CCDC91: variants seen among roughly 807,000 people sequenced by gnomAD.
CCDC91 encodes the protein coiled-coil domain-containing protein 91.
In CCDC91, 48 loss-of-function variants were observed where a neutral mutation model predicts 63.2. The ratio of observed to expected loss-of-function variants is 0.76; its 90% CI spans 0.60 to 0.97. The LOEUF is 0.97. Ranked by LOEUF, CCDC91 falls within the 50% of genes least tolerant of loss-of-function variation. CCDC91 has a pLI of 0.00. For missense variants in CCDC91, 500 were observed against 494.6 expected (o/e 1.01, Z -0.10); for synonymous variants, 167 against 165.8 (o/e 1.01, Z -0.06).
At position 28,349,130 on chromosome 12, in the gene CCDC91, C is replaced by A. The variant is rs117707222; in HGVS notation, c.577-13308C>A. ...TCTTCTATTTTTATAGCATTTGGTT[C>A]TTGTTTTATGAGTGTCATATCTTCT... On this transcript the variant is annotated intron_variant, in intron 6 of 12. Coordinates refer to ENST00000536442, the MANE Select transcript of CCDC91 (RefSeq NM_018318.5). 1.1e-4 allele frequency among the ~76,000 whole-genome samples: 16 copies of A among 151,890 alleles called. No individual in the cohort carries two copies. The East Asian group carries it at 3.1e-3, about 29-fold the overall frequency.
At chr12:28,409,469 G>A (rs1046295844) in intron 8 of CCDC91, among the ~76,000 whole-genome samples, 1 of 151,948 alleles carries the variant, frequency 6.6e-6, no homozygotes, top group Non-Finnish European at 1.5e-5. Flanking sequence ...TAGTTTATTA[G>A]AGATTTATCA....
At chr12:28,483,902 A>C (rs1951577671) in intron 11 of CCDC91, 150 bp from the exon 12 acceptor site, 1 of 483,586 alleles carries the variant, frequency 2.1e-6, no homozygotes, top group African/African-American at 2.0e-5. Context: ...AGATCGCAAA[A>C]GATTCTGTAA....
At chr12:28,505,741 GAA>G (rs995448699) in intron 12 of CCDC91, among the ~76,000 whole-genome samples, 2 of 151,928 alleles carry the variant, frequency 1.3e-5, no homozygotes, top group Non-Finnish European at 2.9e-5. Flanking sequence ...TTCTGTATCT[GAA>G]AAGATTCTTA....
intron 6 of CCDC91, among the ~76,000 whole-genome samples, chr12:28,321,559 G>A (rs1193474202): frequency 2.0e-5 from 3 of 151,794 alleles, no homozygotes; most frequent in African/African-American, 7.2e-5. Context: ...TTTAGATGAA[G>A]TCATTAGGAT....
At chr12:28,441,475 A>G in intron 8 of CCDC91, among the ~76,000 whole-genome samples, 1 of 152,172 alleles carries the variant, frequency 6.6e-6, no homozygotes. Flanking sequence ...GGGTAAACAA[A>G]TTATGGTATA....
At chr12:28,331,130 T>A (rs1318656933) in intron 6 of CCDC91, among the ~76,000 whole-genome samples, 1 of 152,242 alleles carries the variant, frequency 6.6e-6, no homozygotes, top group South Asian at 2.1e-4. Context: ...TTAAAAAGAT[T>A]AGGAAATATT....
chr12:28,298,060 A>G (rs1241009003), intron 3 of CCDC91, among the ~76,000 whole-genome samples: 1 of 151,780 alleles, frequency 6.6e-6, no homozygotes, highest in Non-Finnish European at 1.5e-5. Flanking sequence ...GTTTAACTGA[A>G]AAAAATCTAG....
chr12:28,458,455 C>CTTTTTTTTTTTTTTTTTTT lies in CCDC91; in HGVS notation c.1101+5815_1101+5833dup, dbSNP rs60083355. 1.7e-4 allele frequency among the ~76,000 whole-genome samples: 8 copies of CTTTTTTTTTTTTTTTTTTT among 45,806 alleles called. 3 individuals carry two copies. Among genetic ancestry groups the CTTTTTTTTTTTTTTTTTTT allele is most frequent in the African/African-American group, 2.2e-4 (2 of 9,074 alleles). The allele number at this position is 45,806 out of a possible 152,430, so 30.1% of individuals were successfully genotyped here. A position where few individuals can be genotyped will look rare whatever the true frequency, so the allele number is the denominator to read the frequency against. On this transcript the variant is annotated intron_variant, in intron 11 of 12. Transcript: ENST00000536442. ...TTCCCTTTTGTCCTCATTTGCACACCTTTTTTTTTTTTTTTTTTTTTTTTT... is the reference window on the plus strand; with the variant it reads ...TTCCCTTTTGTCCTCATTTGCACACCTTTTTTTTTTTTTTTTTTTTTTTTTTTTTTTTTTTTTTTTTTTT...
At chr12:28,192,936 C>A (rs1252165231) in intron 1 of CCDC91, among the ~76,000 whole-genome samples, 2 of 152,194 alleles carry the variant, frequency 1.3e-5, no homozygotes, top group Non-Finnish European at 2.9e-5. Flanking sequence ...AACCACTGAT[C>A]TGTTCTCTGT....
At chr12:28,458,195 C>A (rs1045264559) in intron 11 of CCDC91, among the ~76,000 whole-genome samples, 6 of 152,034 alleles carry the variant, frequency 3.9e-5, no homozygotes, top group African/African-American at 7.2e-5. Flanking sequence ...TTGATTCATT[C>A]ATTCATTTTA....
chr12:28,321,722 C>T (rs2137437071), intron 6 of CCDC91, among the ~76,000 whole-genome samples: 1 of 151,940 alleles, frequency 6.6e-6, no homozygotes, highest in Admixed American at 6.6e-5. Context: ...ATGCTGGCAC[C>T]TTGATCTTGG....
intron 8 of CCDC91, among the ~76,000 whole-genome samples, chr12:28,432,892 C>G (rs1195355260): frequency 6.6e-6 from 1 of 152,076 alleles, no homozygotes; most frequent in Non-Finnish European, 1.5e-5. Context: ...TTGGTGATTT[C>G]AAATGCTGGA....
chr12:28,387,198 G>GCTTAATCTA (rs1239182755), intron 7 of CCDC91, among the ~76,000 whole-genome samples: 1 of 152,104 alleles, frequency 6.6e-6, no homozygotes, highest in Non-Finnish European at 1.5e-5. Context: ...TAATAGTAGG[G>GCTTAATCTA]ACAGTTTTGG....
intron 8 of CCDC91, among the ~76,000 whole-genome samples, chr12:28,411,024 T>C (rs1364841203): frequency 6.6e-6 from 1 of 152,166 alleles, no homozygotes; most frequent in Non-Finnish European, 1.5e-5. Context: ...GTCTTTGTTA[T>C]TTTTGTGGTT....
chr12:28,507,072 A>G (rs1331473758), intron 12 of CCDC91, among the ~76,000 whole-genome samples: 1 of 151,994 alleles, frequency 6.6e-6, no homozygotes, highest in African/African-American at 2.4e-5. Context: ...TGATTTGAAT[A>G]TCTTAGTGAA....
chr12:28,412,746 C>T, intron 8 of CCDC91: 1 of 453,704 alleles, frequency 2.2e-6, no homozygotes, highest in Non-Finnish European at 4.4e-6. Context: ...CCATTTCTGT[C>T]CTTTCAGAGT....
chr12:28,463,121 TTA>T (rs1297154326), intron 11 of CCDC91, among the ~76,000 whole-genome samples: 14 of 152,184 alleles, frequency 9.2e-5, no homozygotes, highest in African/African-American at 3.4e-4. Context: ...TTCAAAGATA[TTA>T]CAGTGAACTA....
At chr12:28,312,907 T>A (rs1034314330) in intron 6 of CCDC91, among the ~76,000 whole-genome samples, 4 of 152,046 alleles carry the variant, frequency 2.6e-5, no homozygotes, top group Non-Finnish European at 5.9e-5. Context: ...CTCAGCCAAG[T>A]GGAACTGTGA....
intron 1 of CCDC91, among the ~76,000 whole-genome samples, chr12:28,250,285 A>G (rs1201872491): frequency 6.6e-6 from 1 of 152,164 alleles, no homozygotes; most frequent in Non-Finnish European, 1.5e-5. Context: ...AAATTTAGTT[A>G]TTAGTAGTTG....
Sources: gnomAD v4.1 joint callset for allele counts (sites outside exome capture counted in the v4.1 genomes callset) on GRCh38, gnomAD v4.1.1 for gene constraint, MANE v1.5 for transcripts, NCBI Gene and HGNC (gene_info 2026-07-23, HGNC 2026-07-21) for gene names.